The following UNC5D variants were observed in gnomAD, a reference collection of about 807,000 sequenced individuals.
UNC5D encodes netrin receptor UNC5D.
A neutral mutation model predicts 105.4 loss-of-function variants in UNC5D; 39 were observed. The ratio of observed to expected loss-of-function variants is 0.37; its 90% CI spans 0.29 to 0.48. The LOEUF (loss-of-function observed/expected upper bound fraction) is 0.48. UNC5D is among the 20% of genes least tolerant of loss of function. UNC5D has a pLI of 0.98. For missense variants in UNC5D, 991 were observed against 1,202.4 expected, an observed-to-expected ratio of 0.82 and a Z score of 2.60; for synonymous variants, 452 against 450.4, an observed-to-expected ratio of 1.00 and a Z score of -0.04.
chr8:35,308,116 ATGTG>A (rs34132311), intron 1 of UNC5D, among the ~76,000 whole-genome samples: 82 of 105,692 alleles, frequency 7.8e-4, no homozygotes, highest in Middle Eastern at 4.2e-3. Context: ...GTCACAATGT[ATGTG>A]TGTGTGTGTG....
rs1806673095 is a variant in UNC5D at position 35,287,330 on chromosome 8, G to C, written c.103+51443G>C. ...AAGAATTTAGAATAATCCTCTAAAA[G>C]AAGTTCAGGGAACTACAAGAAAATA... On this transcript the variant is annotated intron_variant, in intron 1 of 16. Coordinates refer to ENST00000404895, the MANE Select transcript of UNC5D (RefSeq NM_080872.4). 2.0e-5 allele frequency among the ~76,000 whole-genome samples: 3 copies of C among 152,128 alleles called. No homozygotes were observed. The South Asian group carries it at 6.2e-4, about 31-fold the overall frequency.
intron 4 of UNC5D, among the ~76,000 whole-genome samples, chr8:35,664,988 C>T (rs1824335542): frequency 6.6e-6 from 1 of 152,102 alleles, no homozygotes; most frequent in Non-Finnish European, 1.5e-5. Context: ...TGTGCACCAC[C>T]ATGCCCAGCT....
chr8:35,794,951 A>G lies in UNC5D; in HGVS notation c.*4388A>G, dbSNP rs1803199721. ...CTGAAGTAGGAAATTTAACTGACAT[A>G]GAATAATTGTGGTTTTTGAAGCAGC... On this transcript the variant is annotated 3_prime_UTR_variant, in exon 17 of 17. Coordinates refer to ENST00000404895, the MANE Select transcript of UNC5D (RefSeq NM_080872.4). 2.0e-5 allele frequency: 3 copies of G among 152,328 alleles called. No homozygotes were observed. Among genetic ancestry groups the G allele is most frequent in the South Asian group, 4.1e-4 (2 of 4,828 alleles). 9.4% of individuals were successfully genotyped at this position (152,328 alleles called of 1,614,324 possible).
intron 2 of UNC5D, among the ~76,000 whole-genome samples, chr8:35,557,203 T>G (rs1290794541): frequency 6.6e-6 from 1 of 152,198 alleles, no homozygotes; most frequent in Non-Finnish European, 1.5e-5. Context: ...GAAGTTAATT[T>G]GCTTTCCTTT....
intron 15 of UNC5D, among the ~76,000 whole-genome samples, chr8:35,771,269 G>T (rs769921075): frequency 6.6e-6 from 1 of 152,174 alleles, no homozygotes; most frequent in Non-Finnish European, 1.5e-5. Flanking sequence ...AGAGAGCTCG[G>T]TCAACAATTT....
At chr8:35,771,381 G>A (rs1802006115) in intron 15 of UNC5D, among the ~76,000 whole-genome samples, 1 of 152,042 alleles carries the variant, frequency 6.6e-6, no homozygotes, top group African/African-American at 2.4e-5. Context: ...CACGTCTTTG[G>A]CATTGACAAT....
At chr8:35,502,968 T>C (rs992580089) in intron 1 of UNC5D, among the ~76,000 whole-genome samples, 2 of 152,220 alleles carry the variant, frequency 1.3e-5, no homozygotes, top group Non-Finnish European at 2.9e-5. Flanking sequence ...CTACTCAAAG[T>C]GTGGTCCATA....
intron 11 of UNC5D, 48 bp from the exon 12 acceptor site, chr8:35,748,479 C>G: frequency 6.4e-7 from 1 of 1,563,764 alleles, no homozygotes; most frequent in East Asian, 2.3e-5. Flanking sequence ...TCAAATATGG[C>G]CCCTCCTCTA....
intron 1 of UNC5D, among the ~76,000 whole-genome samples, chr8:35,511,178 G>A (rs1812674927): frequency 6.6e-6 from 1 of 152,112 alleles, no homozygotes; most frequent in Non-Finnish European, 1.5e-5. Context: ...GCACCATGAT[G>A]GGCTGTGAAA....
intron 4 of UNC5D, among the ~76,000 whole-genome samples, chr8:35,653,978 ACTGAGATTCAT>A (rs1283453562): frequency 2.0e-5 from 3 of 152,152 alleles, no homozygotes; most frequent in Non-Finnish European, 1.5e-5. Context: ...CTCATGCTTA[ACTGAGATTCAT>A]CTGCAGGAAT....
At chr8:35,416,544 T>C (rs1805545379) in intron 1 of UNC5D, among the ~76,000 whole-genome samples, 1 of 152,220 alleles carries the variant, frequency 6.6e-6, no homozygotes, top group Non-Finnish European at 1.5e-5. Flanking sequence ...AATTTGAGAA[T>C]GGCCCTAAAA....
chr8:35,460,911 C>T (rs1469507179), intron 1 of UNC5D, among the ~76,000 whole-genome samples: 1 of 152,254 alleles, frequency 6.6e-6, no homozygotes, highest in Non-Finnish European at 1.5e-5. Context: ...CTAACTTCCT[C>T]CATCCAGTGG....
chr8:35,297,682 A>G (rs1807596037), intron 1 of UNC5D, among the ~76,000 whole-genome samples: 1 of 152,138 alleles, frequency 6.6e-6, no homozygotes, highest in South Asian at 2.1e-4. Context: ...GGGTGTGTAG[A>G]TAAAGTTCTG....
At chr8:35,247,576 T>C (rs1373914312) in intron 1 of UNC5D, among the ~76,000 whole-genome samples, 1 of 107,966 alleles carries the variant, frequency 9.3e-6, no homozygotes, top group African/African-American at 3.7e-5. Flanking sequence ...TAAATATGTA[T>C]AAAATATATA....
chr8:35,604,075 A>G (rs542646204), intron 4 of UNC5D, among the ~76,000 whole-genome samples: 55 of 152,210 alleles, frequency 3.6e-4, no homozygotes, highest in Admixed American at 5.9e-4. Flanking sequence ...TGTGAATTTG[A>G]TCCTGTCATT....
At chr8:35,687,812 T>C (rs1826119368) in intron 7 of UNC5D, among the ~76,000 whole-genome samples, 3 of 152,174 alleles carry the variant, frequency 2.0e-5, no homozygotes, top group African/African-American at 4.8e-5. Context: ...TTGAATGTTG[T>C]ATGGCACAGA....
intron 12 of UNC5D, among the ~76,000 whole-genome samples, chr8:35,750,296 A>T (rs1413042947): frequency 6.5e-5 from 1 of 15,294 alleles, no homozygotes; most frequent in African/African-American, 2.7e-4. Flanking sequence ...ACCCCACCCC[A>T]CCCCAGGAGG....
At chr8:35,546,375 G>A (rs532962465) in intron 1 of UNC5D, among the ~76,000 whole-genome samples, 160 of 152,316 alleles carry the variant, frequency 1.1e-3, no homozygotes, top group African/African-American at 3.6e-3. Context: ...TATTTTGTGA[G>A]TTGAATGGTT....
At chr8:35,419,867 G>GTCA (rs1805776883) in intron 1 of UNC5D, among the ~76,000 whole-genome samples, 1 of 152,108 alleles carries the variant, frequency 6.6e-6, no homozygotes, top group Non-Finnish European at 1.5e-5. Context: ...GCAGATAAGG[G>GTCA]TTTATTGAAT....
Sources: gnomAD v4.1 joint callset for allele counts (sites outside exome capture counted in the v4.1 genomes callset) on GRCh38, gnomAD v4.1.1 for gene constraint, MANE v1.5 for transcripts, NCBI Gene and HGNC (gene_info 2026-07-23, HGNC 2026-07-21) for gene names.